The following HS6ST2 variants were observed in gnomAD, a reference collection of about 807,000 sequenced individuals.
HS6ST2 encodes the protein heparan-sulfate 6-O-sulfotransferase 2.
In HS6ST2, 17 loss-of-function variants were observed where a neutral mutation model predicts 33.0. The ratio of observed to expected loss-of-function variants is 0.52; its 90% CI spans 0.35 to 0.77. HS6ST2 has a LOEUF of 0.77. HS6ST2 is among the 30% of genes least tolerant of loss of function. The probability of loss-of-function intolerance (pLI) is 0.01; values close to 1 mark genes in which losing one functional copy is unlikely to be tolerated. For missense variants in HS6ST2, 519 were observed against 551.7 expected (o/e 0.94, Z 0.59); for synonymous variants, 248 against 237.1 (o/e 1.05, Z -0.42).
chrX:132,687,512 G>A (rs1381429199), intron 3 of HS6ST2, among the ~76,000 whole-genome samples: 1 of 110,420 alleles, frequency 9.1e-6, no homozygotes, highest in African/African-American at 3.3e-5. Flanking sequence ...GCTGGGGGAG[G>A]GGAGAGTTAA....
intron 2 of HS6ST2, among the ~76,000 whole-genome samples, chrX:132,807,859 C>G (rs767579419): frequency 3.6e-5 from 4 of 111,946 alleles, no homozygotes; most frequent in African/African-American, 9.7e-5. Context: ...GCTGAGAGTG[C>G]GCTGGCTGGC....
At chrX:132,934,432 G>A (rs1175320685) in intron 2 of HS6ST2, among the ~76,000 whole-genome samples, 1 of 111,942 alleles carries the variant, frequency 8.9e-6, no homozygotes, top group Non-Finnish European at 1.9e-5. Flanking sequence ...GTGCTGCTGA[G>A]TTTGTAACAT....
At chrX:132,768,201 G>A (rs112423183) in intron 2 of HS6ST2, among the ~76,000 whole-genome samples, 10,888 of 108,935 alleles carry the variant, frequency 0.1, 576 homozygotes, top group South Asian at 0.21. Flanking sequence ...GCCAGGTGTG[G>A]TGGTGGACAC....
chrX:132,938,398 T>A (rs1372441681), intron 2 of HS6ST2, among the ~76,000 whole-genome samples: 4 of 109,415 alleles, frequency 3.7e-5, no homozygotes, highest in Non-Finnish European at 5.7e-5. Context: ...TCCCAACACT[T>A]TGGGAGACTG....
intron 2 of HS6ST2, among the ~76,000 whole-genome samples, chrX:132,826,878 G>C (rs1458823443): frequency 1.8e-5 from 2 of 111,038 alleles, no homozygotes; most frequent in Non-Finnish European, 3.8e-5. Flanking sequence ...ATGCCAGCTG[G>C]GGACCTGTCT....
At chrX:132,885,213 T>C (rs1228826672) in intron 2 of HS6ST2, among the ~76,000 whole-genome samples, 1 of 111,719 alleles carries the variant, frequency 9.0e-6, no homozygotes, top group Non-Finnish European at 1.9e-5. Context: ...CTACAACTTC[T>C]GGTATCCAGG....
intron 2 of HS6ST2, among the ~76,000 whole-genome samples, chrX:132,877,110 C>G: frequency 8.9e-6 from 1 of 111,924 alleles, no homozygotes; most frequent in Non-Finnish European, 1.9e-5. Flanking sequence ...GTACAAGCAG[C>G]CTGATTTAAA....
intron 2 of HS6ST2, among the ~76,000 whole-genome samples, chrX:132,889,003 A>G (rs1044719119): frequency 9.0e-6 from 1 of 110,754 alleles, no homozygotes; most frequent in African/African-American, 3.3e-5. Flanking sequence ...GGTGAAGAAA[A>G]CTAAAGCCTA....
At chrX:132,838,186 AG>A (rs1162573140) in intron 2 of HS6ST2, among the ~76,000 whole-genome samples, 6 of 111,742 alleles carry the variant, frequency 5.4e-5, no homozygotes, top group Non-Finnish European at 1.1e-4. Flanking sequence ...CCTACAGCAA[AG>A]CTTTACAACA....
At chrX:132,719,203 G>A (rs2064305853) in intron 2 of HS6ST2, among the ~76,000 whole-genome samples, 1 of 111,510 alleles carries the variant, frequency 9.0e-6, no homozygotes, top group African/African-American at 3.3e-5. Flanking sequence ...AAAGTTGGAA[G>A]GTACCCTTAA....
chrX:132,793,368 C>T (rs958414174), intron 2 of HS6ST2, among the ~76,000 whole-genome samples: 2 of 110,939 alleles, frequency 1.8e-5, no homozygotes, highest in African/African-American at 3.3e-5. Context: ...CCCAAATCAA[C>T]TCTTTTTACA....
At chrX:132,925,905 T>C (rs1400344014) in intron 2 of HS6ST2, among the ~76,000 whole-genome samples, 1 of 111,755 alleles carries the variant, frequency 8.9e-6, no homozygotes, top group Non-Finnish European at 1.9e-5. Context: ...TGAGGTAGCA[T>C]TCTCCTTTTA....
Position 132,878,602 on chromosome X carries a change from A to C in HS6ST2, c.947+78206T>G, listed in dbSNP as rs1423863845. ...ACTTGCTTTTTTCTTTTTCTTTTTA[A>C]TGCTCAAAGATGGTGAATGATGCCA... On this transcript the variant is annotated intron_variant, in intron 2 of 4. Coordinates refer to ENST00000370833, the MANE Select transcript of HS6ST2 (RefSeq NM_001394073.1). Among the ~76,000 whole-genome samples the C allele has an allele frequency of 2.7e-5, 3 of 112,008 alleles. No homozygotes were observed. The East Asian group carries it at 8.3e-4, about 31-fold the overall frequency.
chrX:132,718,082 T>TA (rs2064293613), intron 2 of HS6ST2, among the ~76,000 whole-genome samples: 1 of 112,220 alleles, frequency 8.9e-6, no homozygotes, highest in Non-Finnish European at 1.9e-5. Flanking sequence ...ATAACAATCA[T>TA]ACCATTAGCT....
At chrX:132,641,356 C>T (rs1014757271) in intron 4 of HS6ST2, among the ~76,000 whole-genome samples, 1 of 112,175 alleles carries the variant, frequency 8.9e-6, no homozygotes, top group Non-Finnish European at 1.9e-5. Context: ...GTTGGCCAGG[C>T]TGGTCTCAAA....
At chrX:132,902,823 T>C (rs1432336927) in intron 2 of HS6ST2, among the ~76,000 whole-genome samples, 2 of 106,234 alleles carry the variant, frequency 1.9e-5, no homozygotes, top group Admixed American at 2.1e-4. Flanking sequence ...AAAGAATAAC[T>C]AGAAAAAACC....
chrX:132,711,312 G>A (rs1325632804), intron 2 of HS6ST2, among the ~76,000 whole-genome samples: 1 of 111,213 alleles, frequency 9.0e-6, no homozygotes, highest in African/African-American at 3.3e-5. Context: ...GGTGCTTAGG[G>A]CTTGAGAAAT....
intron 2 of HS6ST2, among the ~76,000 whole-genome samples, chrX:132,859,945 A>G (rs1602760301): frequency 9.2e-6 from 1 of 108,422 alleles, no homozygotes; most frequent in East Asian, 3.0e-4. Flanking sequence ...GAGGGAGGGA[A>G]AAATGGCTCC....
chrX:132,937,582 A>T (rs1376440302), intron 2 of HS6ST2, among the ~76,000 whole-genome samples: 3 of 111,726 alleles, frequency 2.7e-5, no homozygotes, highest in African/African-American at 9.8e-5. Flanking sequence ...AGGCACTAAG[A>T]ATATATATTG....
Sources: allele counts gnomAD v4.1 joint callset (sites outside exome capture counted in the v4.1 genomes callset), GRCh38; gene constraint gnomAD v4.1.1; transcripts MANE v1.5; gene names NCBI Gene and HGNC (gene_info 2026-07-23, HGNC 2026-07-21).